Variants in LRBA observed in about 807,000 individuals in gnomAD.
LRBA encodes lipopolysaccharide-responsive and beige-like anchor protein.
A neutral mutation model predicts 330.0 loss-of-function variants in LRBA; 176 were observed. The ratio of observed to expected loss-of-function variants is 0.53; its 90% CI spans 0.47 to 0.60. The LOEUF (loss-of-function observed/expected upper bound fraction) is 0.60. Among genes scored for constraint, LRBA ranks in the 20% least tolerant of loss-of-function variants. The pLI is 0.00. For synonymous variants in LRBA, 1,230 were observed against 1,193.0 expected (o/e 1.03, Z -0.64); for missense variants, 3,259 against 3,444.8 (o/e 0.95, Z 1.35).
In LRBA at chr4:150,516,215, C is replaced by CTTTTTTTTTTTTTTTTTTTTT. The variant is rs1384014823; in HGVS notation, c.6331-25181_6331-25180insAAAAAAAAAAAAAAAAAAAAA. Among the ~76,000 whole-genome samples, 12 of 86,712 alleles carry CTTTTTTTTTTTTTTTTTTTTT rather than the reference C, an allele frequency of 1.4e-4. 6 individuals carry two copies. Among genetic ancestry groups the CTTTTTTTTTTTTTTTTTTTTT allele is most frequent in the Non-Finnish European group, 1.8e-4 (8 of 45,162 alleles). The allele number at this position is 86,712 out of a possible 152,430, so 56.9% of individuals were successfully genotyped here. A position where few individuals can be genotyped will look rare whatever the true frequency, so the allele number is the denominator to read the frequency against. ...GTAATTCAGTCTGACATTTTCTATT[C>CTTTTTTTTTTTTTTTTTTTTT]TCTTTTTTTTTTTTTTTTTTTTTTT... On this transcript the variant is annotated intron_variant, in intron 40 of 56. Coordinates refer to ENST00000651943, the MANE Select transcript of LRBA (RefSeq NM_001364905.1).
At chr4:150,553,093 AAAAGAAAAT>A (rs1295098629) in intron 40 of LRBA, among the ~76,000 whole-genome samples, 2 of 151,878 alleles carry the variant, frequency 1.3e-5, no homozygotes, top group African/African-American at 4.8e-5. Context: ...AAAAAGAAAA[AAAAGAAAAT>A]GTGGCACATA....
At position 150,849,647 on chromosome 4, in the gene LRBA, GGAAA is replaced by G. The variant is rs774606833; in HGVS notation, c.4005-76_4005-73del. ...ATCACAGTTTGCCTACTTGAGGGGA[GGAAA>G]GATAAGAAGGTGCTTTTGCTTCATC... On this transcript the variant is annotated intron_variant, in intron 24 of 56. Transcript: ENST00000651943. 3.6e-4 allele frequency: 446 copies of G among 1,228,358 alleles called. 1 individual carries two copies. The highest frequency in any genetic ancestry group is 3.3e-3 in the East Asian group (141 of 42,884). 76.1% of individuals were successfully genotyped at this position (1,228,358 alleles called of 1,614,324 possible). A position where few individuals can be genotyped will look rare whatever the true frequency, so the allele number is the denominator to read the frequency against.
rs558914612 is a variant in LRBA, at chr4:150,722,369, C to T, written c.5754+12889G>A. Among the ~76,000 whole-genome samples, 23 of 152,092 alleles carry T rather than the reference C, an allele frequency of 1.5e-4. No homozygotes were observed. The South Asian group carries it at 1.7e-3, about 11-fold the overall frequency. On this transcript the variant is annotated intron_variant, in intron 36 of 56. Transcript: ENST00000651943. ...TAAGAACTGAGTCAAAAGAAAGAAT[C>T]TGGAAATTAAGTTCCAACTAATAAA... is the stretch of plus-strand genomic sequence containing the variant.
intron 2 of LRBA, among the ~76,000 whole-genome samples, chr4:150,974,972 G>T (rs1045743378): frequency 2.0e-5 from 3 of 152,112 alleles, no homozygotes; most frequent in Non-Finnish European, 4.4e-5. Flanking sequence ...CCTAATAAAG[G>T]TTGATTGCCT....
At chr4:150,552,745 C>A (rs537736905) in intron 40 of LRBA, among the ~76,000 whole-genome samples, 1 of 152,094 alleles carries the variant, frequency 6.6e-6, no homozygotes, top group African/African-American at 2.4e-5. Flanking sequence ...TTGGAACCAA[C>A]CCAAATGTCC....
chr4:150,493,461 C>T (rs1192193585), intron 40 of LRBA, among the ~76,000 whole-genome samples: 1 of 152,172 alleles, frequency 6.6e-6, no homozygotes, highest in African/African-American at 2.4e-5. Context: ...GTATGGCAAC[C>T]TTCAGTCCAT....
At chr4:150,878,558 A>G (rs907934512) in intron 17 of LRBA, among the ~76,000 whole-genome samples, 1 of 151,986 alleles carries the variant, frequency 6.6e-6, no homozygotes, top group Non-Finnish European at 1.5e-5. Context: ...CAAAACGAAA[A>G]GCTGGTTATT....
At chr4:150,656,669 A>T (rs906483029) in intron 37 of LRBA, among the ~76,000 whole-genome samples, 9 of 152,224 alleles carry the variant, frequency 5.9e-5, no homozygotes, top group African/African-American at 2.2e-4. Context: ...CATTCAGACA[A>T]CTGTAAGTAT....
intron 37 of LRBA, among the ~76,000 whole-genome samples, chr4:150,614,523 A>C (rs1775578452): frequency 6.6e-6 from 1 of 152,250 alleles, no homozygotes; most frequent in African/African-American, 2.4e-5. Context: ...TCTATGATAC[A>C]AGGTAGGCAA....
At chr4:150,582,939 C>T in intron 40 of LRBA, 1 of 1,473,156 alleles carries the variant, frequency 6.8e-7, no homozygotes, top group South Asian at 1.4e-5. Context: ...CCGCCTCTTT[C>T]GAAAGCCGCT....
intron 48 of LRBA, among the ~76,000 whole-genome samples, chr4:150,342,237 T>C (rs1236941845): frequency 6.6e-6 from 1 of 151,946 alleles, no homozygotes; most frequent in Non-Finnish European, 1.5e-5. Flanking sequence ...ATGAGCCAAA[T>C]CAAAATCAGC....
rs112248765 is a variant in LRBA, at chr4:150,306,175, C to T, written c.7850-3383G>A. Among the ~76,000 whole-genome samples the T allele has an allele frequency of 6.2e-3, 944 of 152,222 alleles. 12 individuals carry two copies. The highest frequency in any genetic ancestry group is 0.02 in the African/African-American group (822 of 41,552). On this transcript the variant is annotated intron_variant, in intron 52 of 56. Coordinates refer to ENST00000651943, the MANE Select transcript of LRBA (RefSeq NM_001364905.1). The stretch of plus-strand genomic sequence containing the variant: ...TGCCAGGGGAAGGTTTTATTGTTGC[C>T]TCTGCTGTTCTGGTTGTGGCCCGAA...
intron 40 of LRBA, among the ~76,000 whole-genome samples, chr4:150,530,663 C>T (rs1763967584): frequency 6.6e-6 from 1 of 152,144 alleles, no homozygotes. Flanking sequence ...GTTCCATTTT[C>T]CCACCTCCCT....
At chr4:150,976,248 G>T (rs1740162620) in intron 2 of LRBA, among the ~76,000 whole-genome samples, 1 of 148,178 alleles carries the variant, frequency 6.7e-6, no homozygotes, top group African/African-American at 2.5e-5. Flanking sequence ...TGACTGACTA[G>T]ACAAATTTGT....
Position 150,900,094 on chromosome 4 carries a change from C to A in LRBA, c.1879G>T (p.Ala627Ser), listed in dbSNP as rs550423754. 6.2e-7 allele frequency: 1 copy of A among 1,613,444 alleles called. No homozygotes were observed. The highest frequency in any genetic ancestry group is 8.5e-7 in the Non-Finnish European group (1 of 1,179,564). ...IMHTLKYYYWAVNPQDRSGIT... is the reference protein window; with the variant it reads ...IMHTLKYYYWSVNPQDRSGIT... ...CCACTTCGATCCTGAGGATTCACTGCCCAGTAGTAGTACTTCAGCGTGTGC... is the reference window on the plus strand; with the variant it reads ...CCACTTCGATCCTGAGGATTCACTGACCAGTAGTAGTACTTCAGCGTGTGC... Residue 627 changes from alanine to serine, a missense_variant, in exon 14 of 57, where the codon GCA becomes TCA. Physicochemically the swap from Ala to Ser is moderately conservative, Grantham distance 99. Transcript: ENST00000651943.
chr4:150,437,581 ATAG>A (rs1421196433), intron 44 of LRBA, among the ~76,000 whole-genome samples: 2 of 151,054 alleles, frequency 1.3e-5, no homozygotes, highest in African/African-American at 2.4e-5. Flanking sequence ...TAAAAAAAGA[ATAG>A]TAGACAGATT....
rs866867739 is a variant in LRBA at position 150,683,614 on chromosome 4, A to C, written c.5858T>G (p.Leu1953Arg). 1 of 1,613,688 alleles carries C rather than the reference A, an allele frequency of 6.2e-7. No individual in the cohort carries two copies. Among genetic ancestry groups the C allele is most frequent in the Admixed American group, 1.7e-5 (1 of 60,016 alleles). The stretch of plus-strand genomic sequence containing the variant: ...GAGAATGTTGATAATTTTCTGGATT[A>C]GTTGAGTTGCTGTCACGTGGTCACG... ...KYRDHVTATQ[L>R]IQKIINILTD... Residue 1953 changes from leucine (L) to arginine (R), a missense_variant, in exon 37 of 57, where the codon CTA becomes CGA. Physicochemically the swap from Leu to Arg is moderately radical, Grantham distance 102. Coordinates refer to ENST00000651943, the MANE Select transcript of LRBA (RefSeq NM_001364905.1).
rs745855343 is a variant in LRBA at position 150,905,963 on chromosome 4, C to T, written c.1630G>A (p.Val544Ile). Reference sequence around the variant, plus strand: ...GAAAATGCAAGGCAAAGTTCAAGTACTGCTCTGCTAACATGAGATTTGGAA... The same window carrying T: ...GAAAATGCAAGGCAAAGTTCAAGTATTGCTCTGCTAACATGAGATTTGGAA... ...KSSKSHVSRA[V>I]LELCLAFSKY... The change falls in exon 13 of 57, where the codon GTA becomes ATA. Residue 544 changes from valine (V) to isoleucine (I), a missense_variant. Val to Ile is a conservative substitution (Grantham distance 29). Transcript: ENST00000651943. The T allele has an allele frequency of 1.2e-6, 2 of 1,613,648 alleles. No individual in the cohort carries two copies. The highest frequency in any genetic ancestry group is 1.1e-5 in the South Asian group (1 of 91,048).
intron 44 of LRBA, among the ~76,000 whole-genome samples, chr4:150,443,853 A>AAAATAT (rs70941406): frequency 1.3e-5 from 1 of 75,478 alleles, no homozygotes; most frequent in African/African-American, 3.9e-5. Context: ...TAATTAAAAA[A>AAAATAT]ATATATATAT....
Sources: gnomAD v4.1 joint callset for allele counts (sites outside exome capture counted in the v4.1 genomes callset) on GRCh38, gnomAD v4.1.1 for gene constraint, MANE v1.5 for transcripts, NCBI Gene and HGNC (gene_info 2026-07-23, HGNC 2026-07-21) for gene names.